FKBP5: variants seen among roughly 807,000 people sequenced by gnomAD.
FKBP5 encodes the protein peptidyl-prolyl cis-trans isomerase FKBP5.
In FKBP5, 23 loss-of-function variants were observed where a neutral mutation model predicts 50.5. The observed-to-expected ratio is 0.46, with a 90% CI of 0.33 to 0.65. The LOEUF is 0.65. FKBP5 is among the 30% of genes least tolerant of loss of function. The pLI is 0.02. For synonymous variants in FKBP5, 176 were observed against 190.6 expected, an observed-to-expected ratio of 0.92 and a Z score of 0.63; for missense variants, 411 against 553.1, an observed-to-expected ratio of 0.74 and a Z score of 2.58.
chr6:35,708,618 GAGATTGTT>G lies in FKBP5; in HGVS notation c.-20+11702_-20+11709del, dbSNP rs1766363303. On this transcript the variant is annotated intron_variant, in intron 2 of 11. Coordinates refer to the FKBP5 transcript ENST00000536438. ...GGCAAATCTATGTATACTTGTAACA[GAGATTGTT>G]AGTTGTGCCCCAGTATCCATTCTTC... is the stretch of plus-strand genomic sequence containing the variant. Among the ~76,000 whole-genome samples the G allele has an allele frequency of 3.3e-5, 5 of 152,058 alleles. No homozygotes were observed. The South Asian group carries it at 1.0e-3, about 32-fold the overall frequency.
intron 5 of FKBP5, among the ~76,000 whole-genome samples, chr6:35,610,512 G>A (rs1258798027): frequency 7.6e-6 from 1 of 131,598 alleles, no homozygotes. Flanking sequence ...AGCTTGCAGT[G>A]AGCCAAGACC....
Position 35,660,938 on chromosome 6 carries a change from C to T in FKBP5, c.-19-18095G>A, listed in dbSNP as rs1014962092. On this transcript the variant is annotated intron_variant, in intron 1 of 10. Coordinates refer to ENST00000357266, the MANE Select transcript of FKBP5 (RefSeq NM_004117.4). ...CATACATTATATGATCCCATTTATA[C>T]GAAAGGTTCAGAATAGGCAAATTCA... 1.9e-4 allele frequency among the ~76,000 whole-genome samples: 16 copies of T among 82,744 alleles called. 7 individuals carry two copies. Among genetic ancestry groups the T allele is most frequent in the Admixed American group, 1.5e-3 (12 of 7,866 alleles). The allele number at this position is 82,744 out of a possible 152,430, so 54.3% of individuals were successfully genotyped here.
chr6:35,725,343 G>C (rs974012867), intron 1 of FKBP5, among the ~76,000 whole-genome samples: 1 of 152,160 alleles, frequency 6.6e-6, no homozygotes, highest in East Asian at 1.9e-4. Flanking sequence ...AACTTACATA[G>C]TGCTGTCACT....
intron 2 of FKBP5, among the ~76,000 whole-genome samples, chr6:35,709,307 A>G (rs1021903572): frequency 6.6e-6 from 1 of 152,238 alleles, no homozygotes; most frequent in South Asian, 2.1e-4. Flanking sequence ...CCATGATTCA[A>G]TTACCTCCTA....
At chr6:35,716,931 A>G (rs1384878358) in intron 2 of FKBP5, among the ~76,000 whole-genome samples, 1 of 152,230 alleles carries the variant, frequency 6.6e-6, no homozygotes, top group African/African-American at 2.4e-5. Flanking sequence ...CATCTGCAGC[A>G]ATGGGAAGAA....
At chr6:35,606,266 C>T (rs74709645) in intron 5 of FKBP5, among the ~76,000 whole-genome samples, 5,916 of 152,074 alleles carry the variant, frequency 0.039, 156 homozygotes, top group Middle Eastern at 0.065. Flanking sequence ...AAGCAGCCAA[C>T]GAACATGAAA....
intron 1 of FKBP5, among the ~76,000 whole-genome samples, chr6:35,643,294 C>CT (rs1581845652): frequency 6.6e-6 from 1 of 152,184 alleles, no homozygotes. Context: ...TGGGTCCTAG[C>CT]TGCAGCTCTT....
chr6:35,683,016 GTA>G (rs997768622), intron 1 of FKBP5, among the ~76,000 whole-genome samples: 4 of 150,662 alleles, frequency 2.7e-5, no homozygotes, highest in South Asian at 2.1e-4. Context: ...GTGTCTGTGT[GTA>G]TATATATGTC....
At chr6:35,591,072 TAGGA>T in intron 7 of FKBP5, 54 bp downstream of exon 7, 2 of 1,120,008 alleles carry the variant, frequency 1.8e-6, no homozygotes, top group South Asian at 2.6e-5. Context: ...TACTGATTTA[TAGGA>T]AGTGGATGGA....
intron 1 of FKBP5, among the ~76,000 whole-genome samples, chr6:35,682,754 A>G (rs1405480254): frequency 1.3e-5 from 2 of 152,014 alleles, no homozygotes; most frequent in South Asian, 4.1e-4. Context: ...AATGTACTAC[A>G]TTTTTAAGCC....
intron 1 of FKBP5, among the ~76,000 whole-genome samples, chr6:35,721,604 C>A (rs1003376893): frequency 5.3e-5 from 8 of 152,100 alleles, no homozygotes; most frequent in Non-Finnish European, 1.0e-4. Context: ...CACAGCCATG[C>A]GCTACCACGC....
intron 5 of FKBP5, among the ~76,000 whole-genome samples, chr6:35,598,983 T>TA (rs1561850994): frequency 6.6e-6 from 1 of 151,484 alleles, no homozygotes; most frequent in East Asian, 1.9e-4. Context: ...TCAAAATAAA[T>TA]AAAAAAATAA....
chr6:35,705,095 C>G (rs181599965), intron 2 of FKBP5, among the ~76,000 whole-genome samples: 1 of 150,426 alleles, frequency 6.6e-6, no homozygotes, highest in East Asian at 2.0e-4. Context: ...GAGCTGACAT[C>G]GCGCCACTGC....
At chr6:35,625,836 G>A (rs1252297566) in intron 3 of FKBP5, among the ~76,000 whole-genome samples, 1 of 150,700 alleles carries the variant, frequency 6.6e-6, no homozygotes, top group Non-Finnish European at 1.5e-5. Flanking sequence ...CTGGGGTGCA[G>A]TGGCGCTATC....
chr6:35,649,108 G>A (rs375257168), intron 1 of FKBP5, among the ~76,000 whole-genome samples: 17 of 151,916 alleles, frequency 1.1e-4, no homozygotes, highest in South Asian at 2.1e-4. Context: ...AATATTAGCC[G>A]GGCGTGGTGG....
intron 2 of FKBP5, among the ~76,000 whole-genome samples, chr6:35,699,445 T>A: frequency 6.6e-6 from 1 of 152,218 alleles, no homozygotes; most frequent in Non-Finnish European, 1.5e-5. Context: ...TACACAGTTA[T>A]CTGGGGACGA....
intron 2 of FKBP5, among the ~76,000 whole-genome samples, chr6:35,715,797 G>A (rs1280094575): frequency 1.3e-5 from 2 of 152,254 alleles, no homozygotes; most frequent in Admixed American, 1.3e-4. Context: ...CAGATGAGCC[G>A]TGTGTTTGTG....
At chr6:35,602,797 G>C (rs961716291) in intron 5 of FKBP5, among the ~76,000 whole-genome samples, 2 of 152,086 alleles carry the variant, frequency 1.3e-5, no homozygotes, top group Non-Finnish European at 2.9e-5. Context: ...GCTAACAGGC[G>C]TGGAACCTGG....
chr6:35,701,367 C>T (rs4713914), intron 2 of FKBP5, among the ~76,000 whole-genome samples: 1 of 147,930 alleles, frequency 6.8e-6, no homozygotes, highest in Non-Finnish European at 1.5e-5. Context: ...CCTCAGCCTC[C>T]CAAGTAGCTG....
Sources: allele counts gnomAD v4.1 joint callset (sites outside exome capture counted in the v4.1 genomes callset), GRCh38; gene constraint gnomAD v4.1.1; transcripts MANE v1.5; gene names NCBI Gene and HGNC (gene_info 2026-07-23, HGNC 2026-07-21).